IKZF3: variants seen among roughly 807,000 people sequenced by gnomAD.
IKZF3 encodes IKAROS family zinc finger 3, also known as zinc finger protein Aiolos.
Under a neutral mutation model 49.0 loss-of-function variants are expected in IKZF3, and 10 were observed. That is an observed-to-expected ratio of 0.20 (90% CI 0.13 to 0.35). The LOEUF is 0.35. Among genes scored for constraint, IKZF3 ranks in the 10% least tolerant of loss-of-function variants. The pLI is 1.00. For synonymous variants in IKZF3, 209 were observed against 228.2 expected (o/e 0.92, Z 0.76); for missense variants, 498 against 664.8 (o/e 0.75, Z 2.76).
chr17:39,788,433 A>T (rs1039613086), intron 5 of IKZF3, 59 bp from the exon 6 acceptor site: 1 of 1,024,976 alleles, frequency 9.8e-7, no homozygotes, highest in Non-Finnish European at 1.5e-6. Flanking sequence ...CAGGTCAGGT[A>T]TTGGGGCTCT....
intron 1 of IKZF3, among the ~76,000 whole-genome samples, chr17:39,853,802 T>G (rs1002763634): frequency 7.0e-6 from 1 of 142,702 alleles, no homozygotes; most frequent in African/African-American, 2.7e-5. Flanking sequence ...ACCATTCCAC[T>G]CCAGCCTGGC....
chr17:39,843,326 A>G (rs2062533232), intron 1 of IKZF3, among the ~76,000 whole-genome samples: 1 of 152,196 alleles, frequency 6.6e-6, no homozygotes, highest in African/African-American at 2.4e-5. Flanking sequence ...AAACTTGCAG[A>G]AAAAAAGTTT....
chr17:39,845,832 C>T (rs2062613996), intron 1 of IKZF3, among the ~76,000 whole-genome samples: 1 of 152,188 alleles, frequency 6.6e-6, no homozygotes, highest in South Asian at 2.1e-4. Flanking sequence ...CAGCACCTTT[C>T]ATACAAAGCA....
intron 1 of IKZF3, among the ~76,000 whole-genome samples, chr17:39,857,690 C>G (rs556054721): frequency 4.4e-4 from 67 of 152,224 alleles, no homozygotes; most frequent in African/African-American, 1.4e-3. Flanking sequence ...TTCCTTCCCC[C>G]CTTTACTATA....
intron 1 of IKZF3, among the ~76,000 whole-genome samples, chr17:39,841,565 T>C (rs1446719297): frequency 6.6e-6 from 1 of 151,646 alleles, no homozygotes; most frequent in South Asian, 2.1e-4. Flanking sequence ...CTGTGCTGAG[T>C]AGGAGATGCC....
At chr17:39,768,969 T>G (rs773723474) in intron 7 of IKZF3, among the ~76,000 whole-genome samples, 6 of 152,164 alleles carry the variant, frequency 3.9e-5, no homozygotes, top group Non-Finnish European at 5.9e-5. Context: ...GATTACCAAG[T>G]GTGAGATTAG....
intron 1 of IKZF3, among the ~76,000 whole-genome samples, chr17:39,836,746 C>T (rs2144354605): frequency 6.6e-6 from 1 of 152,246 alleles, no homozygotes; most frequent in Non-Finnish European, 1.5e-5. Flanking sequence ...AAAAAGCTTG[C>T]AACCATTTAG....
intron 5 of IKZF3, among the ~76,000 whole-genome samples, chr17:39,788,942 GT>G (rs1015003734): frequency 1.3e-5 from 2 of 151,938 alleles, no homozygotes; most frequent in African/African-American, 2.4e-5. Context: ...GGATTTTTTT[GT>G]TTTTTTGTTT....
intron 1 of IKZF3, among the ~76,000 whole-genome samples, chr17:39,858,552 C>A (rs955595790): frequency 2.6e-5 from 4 of 151,982 alleles, no homozygotes; most frequent in African/African-American, 9.7e-5. Context: ...ACACTGTCAC[C>A]CAGGCTGGAG....
At chr17:39,840,422 A>AT (rs1437658530) in intron 1 of IKZF3, among the ~76,000 whole-genome samples, 1 of 152,092 alleles carries the variant, frequency 6.6e-6, no homozygotes, top group African/African-American at 2.4e-5. Context: ...TCAGGTGATA[A>AT]TTTTTTTAAT....
At chr17:39,779,437 G>C (rs2060673223) in intron 6 of IKZF3, among the ~76,000 whole-genome samples, 1 of 151,750 alleles carries the variant, frequency 6.6e-6, no homozygotes, top group Non-Finnish European at 1.5e-5. Context: ...CTCCAGCCTG[G>C]GCAATAAGAG....
At chr17:39,781,090 C>T (rs1419056760) in intron 6 of IKZF3, among the ~76,000 whole-genome samples, 1 of 152,166 alleles carries the variant, frequency 6.6e-6, no homozygotes, top group Non-Finnish European at 1.5e-5. Flanking sequence ...AAATAACGGG[C>T]ACTTCAGCCA....
chr17:39,772,879 G>C (rs114274602), intron 7 of IKZF3, among the ~76,000 whole-genome samples: 1 of 151,990 alleles, frequency 6.6e-6, no homozygotes, highest in Non-Finnish European at 1.5e-5. Flanking sequence ...AAGCTGGTGC[G>C]ATCTCGGCTT....
rs35833706 is a variant in IKZF3, at chr17:39,760,137, A to AT, written c.*5652dup. ...ACCTGGGATTATATGTAACAGTACT[A>AT]TTTTTTTCCTTAAAACATTCTTTTT... On this transcript the variant is annotated 3_prime_UTR_variant, in exon 8 of 8. Coordinates refer to ENST00000346872, the MANE Select transcript of IKZF3 (RefSeq NM_012481.5). 76,054 of 143,100 alleles carry AT rather than the reference A, an allele frequency of 0.53. 20,080 individuals carry two copies. Among genetic ancestry groups the AT allele is most frequent in the East Asian group, 0.71 (3,534 of 4,946 alleles). The allele number at this position is 143,100 out of a possible 1,614,324, so 8.9% of individuals were successfully genotyped here.
chr17:39,843,622 G>T (rs1049406102), intron 1 of IKZF3, among the ~76,000 whole-genome samples: 1 of 151,998 alleles, frequency 6.6e-6, no homozygotes, highest in African/African-American at 2.4e-5. Context: ...TATTTTTAAA[G>T]TGTCCTTTGT....
In IKZF3 at chr17:39,765,773, T is replaced by C; in HGVS notation, c.*17A>G. ...AACGATGCTGAATACATAGGAGCAA[T>C]CCCTGAGACCAGATATTCACTTCAG... On this transcript the variant is annotated 3_prime_UTR_variant, in exon 8 of 8. Coordinates refer to ENST00000346872, the MANE Select transcript of IKZF3 (RefSeq NM_012481.5). 1 of 1,561,714 alleles carries C rather than the reference T, an allele frequency of 6.4e-7. No individual in the cohort carries two copies. The highest frequency in any genetic ancestry group is 8.7e-7 in the Non-Finnish European group (1 of 1,142,994).
intron 3 of IKZF3, among the ~76,000 whole-genome samples, chr17:39,827,123 C>T (rs1352147559): frequency 6.6e-6 from 1 of 151,886 alleles, no homozygotes; most frequent in Admixed American, 6.6e-5. Context: ...TCAGCCTCCC[C>T]AGTAGCTGGG....
At chr17:39,768,909 A>G (rs1346144690) in intron 7 of IKZF3, among the ~76,000 whole-genome samples, 1 of 152,244 alleles carries the variant, frequency 6.6e-6, no homozygotes, top group Non-Finnish European at 1.5e-5. Flanking sequence ...ATCGGATACT[A>G]CTGTGAGTAC....
At chr17:39,863,091 CT>C (rs1568083412) in intron 1 of IKZF3, among the ~76,000 whole-genome samples, 1 of 152,044 alleles carries the variant, frequency 6.6e-6, no homozygotes, top group Admixed American at 6.5e-5. Context: ...AACAGCCCAA[CT>C]TTTTTTCCTT....
Sources: allele counts gnomAD v4.1 joint callset (sites outside exome capture counted in the v4.1 genomes callset), GRCh38; gene constraint gnomAD v4.1.1; transcripts MANE v1.5; gene names NCBI Gene and HGNC (gene_info 2026-07-23, HGNC 2026-07-21).